The following ZNF654 variants were observed in gnomAD, a reference collection of about 807,000 sequenced individuals.
ZNF654 encodes the protein zinc finger protein 654, also known as melanoma-associated antigen.
A neutral mutation model predicts 95.3 loss-of-function variants in ZNF654; 19 were observed. That is an observed-to-expected ratio of 0.20 (90% CI 0.14 to 0.29). The LOEUF (loss-of-function observed/expected upper bound fraction) is 0.29, where lower values mean the gene tolerates loss of function less well. Among genes scored for constraint, ZNF654 ranks in the 10% least tolerant of loss-of-function variants. ZNF654 has a pLI of 1.00. For synonymous variants in ZNF654, 413 were observed against 457.9 expected, an observed-to-expected ratio of 0.90 and a Z score of 1.25; for missense variants, 1,046 against 1,341.0, an observed-to-expected ratio of 0.78 and a Z score of 3.44.
Position 88,138,816 on chromosome 3 carries a change from T to A in ZNF654, c.1147T>A (p.Phe383Ile), listed in dbSNP as rs1026571475. The change falls in exon 8 of 9, where the codon TTT (phenylalanine) becomes ATT (isoleucine). Residue 383 changes from phenylalanine to isoleucine, a missense_variant. Physicochemically the swap from Phe to Ile is conservative, Grantham distance 21. Around this residue, in one of 9 missense-constraint regions of ZNF654, gnomAD observed 78 missense variants for 154.2 expected, o/e 0.51. Coordinates refer to ENST00000636215, the MANE Select transcript of ZNF654 (RefSeq NM_001350134.2). The part of the protein sequence containing the change: ...KCLIYKTIAH[F>I]LPNDLEILRI... Reference sequence around the variant, plus strand: ...TCTAATTTATAAAACAATTGCACATTTTTTGCCAAATGATTTGGAGATCCT... The same window carrying A: ...TCTAATTTATAAAACAATTGCACATATTTTGCCAAATGATTTGGAGATCCT... 8.1e-7 allele frequency: 1 copy of A among 1,231,940 alleles called. No individual in the cohort carries two copies. Among genetic ancestry groups the A allele is most frequent in the Non-Finnish European group, 1.0e-6 (1 of 987,920 alleles). 76.3% of individuals were successfully genotyped at this position (1,231,940 alleles called of 1,614,324 possible).
intron 6 of ZNF654, among the ~76,000 whole-genome samples, chr3:88,132,890 T>C (rs1285947366): frequency 1.3e-5 from 2 of 152,190 alleles, no homozygotes; most frequent in African/African-American, 4.8e-5. Context: ...AGTGATAGCA[T>C]CTGTGCCTAA....
At chr3:88,071,005 G>T (rs1460944647) in intron 1 of ZNF654, among the ~76,000 whole-genome samples, 1 of 152,066 alleles carries the variant, frequency 6.6e-6, no homozygotes, top group Non-Finnish European at 1.5e-5. Flanking sequence ...ATAAAACGTA[G>T]GTAGAGAGTT....
chr3:88,096,883 G>A (rs1391459166), intron 2 of ZNF654, among the ~76,000 whole-genome samples: 1 of 151,940 alleles, frequency 6.6e-6, no homozygotes, highest in Non-Finnish European at 1.5e-5. Context: ...GATATATAAT[G>A]CATATATAAG....
chr3:88,070,688 GCC>G (rs1707461761), intron 1 of ZNF654, among the ~76,000 whole-genome samples: 2 of 151,130 alleles, frequency 1.3e-5, no homozygotes, highest in South Asian at 4.2e-4. Flanking sequence ...AGAAAGTATG[GCC>G]CATAAGCTAC....
chr3:88,097,350 C>A (rs939284804), intron 2 of ZNF654, among the ~76,000 whole-genome samples: 2 of 151,750 alleles, frequency 1.3e-5, no homozygotes, highest in Non-Finnish European at 2.9e-5. Flanking sequence ...TTTTCTCACA[C>A]CTTTGTCAAC....
chr3:88,064,374 C>T (rs931755588), intron 1 of ZNF654, among the ~76,000 whole-genome samples: 24 of 152,124 alleles, frequency 1.6e-4, no homozygotes, highest in Non-Finnish European at 3.2e-4. Flanking sequence ...GATTATACCC[C>T]GTTTTTGTTT....
At chr3:88,127,395 A>G (rs1234878636) in intron 4 of ZNF654, among the ~76,000 whole-genome samples, 1 of 151,870 alleles carries the variant, frequency 6.6e-6, no homozygotes, top group Non-Finnish European at 1.5e-5. Flanking sequence ...TGAAGAACCC[A>G]AGGGGTAAAA....
chr3:88,073,986 T>C (rs1341207137), intron 1 of ZNF654, among the ~76,000 whole-genome samples: 1 of 152,174 alleles, frequency 6.6e-6, no homozygotes, highest in Non-Finnish European at 1.5e-5. Flanking sequence ...TAACCTGTGA[T>C]AGTGTTTTAG....
intron 3 of ZNF654, among the ~76,000 whole-genome samples, chr3:88,118,829 A>C (rs189216500): frequency 3.9e-4 from 60 of 152,278 alleles, no homozygotes; most frequent in African/African-American, 1.2e-3. Flanking sequence ...TCAAAACCAC[A>C]ATGAGATACC....
chr3:88,075,727 T>C (rs1024723615), intron 1 of ZNF654, among the ~76,000 whole-genome samples: 1 of 152,236 alleles, frequency 6.6e-6, no homozygotes, highest in African/African-American at 2.4e-5. Context: ...TTTGAGCCTG[T>C]TATTAAATTT....
intron 7 of ZNF654, 88 bp from the exon 8 acceptor site, chr3:88,138,611 CTTTCAT>C: frequency 1.4e-6 from 1 of 714,792 alleles, no homozygotes; most frequent in Non-Finnish European, 1.9e-6. Flanking sequence ...GTTTATTCAG[CTTTCAT>C]TTTAAGAGTT....
In ZNF654 at chr3:88,082,578, G is replaced by A. The variant is rs181347246; in HGVS notation, c.187-3679G>A. Among the ~76,000 whole-genome samples the A allele has an allele frequency of 5.4e-3, 830 of 152,314 alleles. 5 individuals are homozygous for A. The highest frequency in any genetic ancestry group is 0.017 in the African/African-American group (702 of 41,568). ...GTCTTCAAGGAGGAAAGAATAATACGGACGTGAATAGCCAACTAATAGAAA... is the reference window on the plus strand; with the variant it reads ...GTCTTCAAGGAGGAAAGAATAATACAGACGTGAATAGCCAACTAATAGAAA... On this transcript the variant is annotated intron_variant, in intron 1 of 8. Transcript: ENST00000636215.
At chr3:88,094,476 A>ACCTACT (rs1289486256) in intron 2 of ZNF654, among the ~76,000 whole-genome samples, 2 of 152,068 alleles carry the variant, frequency 1.3e-5, no homozygotes, top group Admixed American at 1.3e-4. Flanking sequence ...CCCTGTTCCC[A>ACCTACT]CCTACATTAG....
chr3:88,102,072 G>T (rs1443717162), intron 2 of ZNF654, among the ~76,000 whole-genome samples: 1 of 152,036 alleles, frequency 6.6e-6, no homozygotes, highest in Non-Finnish European at 1.5e-5. Flanking sequence ...TATGTGATTT[G>T]TGATTTATCC....
intron 2 of ZNF654, chr3:88,095,791 G>A: frequency 2.3e-6 from 1 of 433,456 alleles, no homozygotes. Flanking sequence ...TAAGAAATGA[G>A]CTAAAGGCAA....
chr3:88,081,615 T>A (rs886985381), intron 1 of ZNF654, among the ~76,000 whole-genome samples: 3 of 152,240 alleles, frequency 2.0e-5, no homozygotes, highest in African/African-American at 7.2e-5. Flanking sequence ...ATGCTATCAT[T>A]ATTTTGTTGT....
intron 1 of ZNF654, among the ~76,000 whole-genome samples, chr3:88,079,009 T>C (rs758400065): frequency 5.3e-5 from 8 of 152,052 alleles, no homozygotes; most frequent in Non-Finnish European, 1.0e-4. Flanking sequence ...AAAAAGTCAG[T>C]GTTGAAGGTT....
intron 5 of ZNF654, 134 bp from the exon 6 acceptor site, chr3:88,129,553 G>A: frequency 1.5e-6 from 1 of 683,632 alleles, no homozygotes; most frequent in Non-Finnish European, 2.3e-6. Flanking sequence ...AAATATTTCT[G>A]TACAAGTCAT....
rs75822676 is a variant in ZNF654, at chr3:88,138,510, T to C, written c.1036-195T>C. Among the ~76,000 whole-genome samples the C allele has an allele frequency of 8.2e-3, 1,254 of 152,236 alleles. 9 individuals carry two copies. Among genetic ancestry groups the C allele is most frequent in the African/African-American group, 0.029 (1,213 of 41,540 alleles). The stretch of plus-strand genomic sequence containing the variant: ...AGCTAAAATGCTATCTATTCCAGAT[T>C]ATTTTCAAGTTTAAGAAAAAGAGAA... On this transcript the variant is annotated intron_variant, in intron 7 of 8. Coordinates refer to ENST00000636215, the MANE Select transcript of ZNF654 (RefSeq NM_001350134.2).
Sources: allele counts gnomAD v4.1 joint callset (sites outside exome capture counted in the v4.1 genomes callset), GRCh38; gene constraint gnomAD v4.1.1; regional missense constraint gnomAD v4.1.1; transcripts MANE v1.5; gene names NCBI Gene and HGNC (gene_info 2026-07-23, HGNC 2026-07-21).